Variants in GPC5 observed in about 807,000 individuals in gnomAD.
GPC5 encodes the protein glypican 5, also known as glypican-5.
GPC5 carries 47 observed loss-of-function variants against 53.9 expected under a neutral mutation model. The observed-to-expected ratio is 0.87, with a 90% CI of 0.69 to 1.11. The LOEUF is 1.11. GPC5 is among the 50% of genes most tolerant of loss of function. The pLI is 0.00. For missense variants in GPC5, 748 were observed against 713.1 expected (o/e 1.05, Z -0.56); for synonymous variants, 286 against 263.3 (o/e 1.09, Z -0.84).
intron 7 of GPC5, among the ~76,000 whole-genome samples, chr13:92,259,102 T>C (rs920761311): frequency 6.6e-6 from 1 of 152,202 alleles, no homozygotes. Flanking sequence ...TTACAGAACC[T>C]TGGATAGATA....
intron 7 of GPC5, among the ~76,000 whole-genome samples, chr13:92,193,726 G>A (rs560655867): frequency 5.2e-4 from 79 of 152,252 alleles, no homozygotes; most frequent in African/African-American, 1.8e-3. Context: ...CACCCATTCG[G>A]CTCTGCCCCA....
chr13:92,058,641 C>T (rs993352731), intron 6 of GPC5, among the ~76,000 whole-genome samples: 17 of 152,128 alleles, frequency 1.1e-4, no homozygotes, highest in African/African-American at 4.1e-4. Flanking sequence ...CTCCTCGGTT[C>T]AAGCAATTCT....
At chr13:92,408,790 GAAT>G (rs1387783283) in intron 7 of GPC5, among the ~76,000 whole-genome samples, 1 of 146,550 alleles carries the variant, frequency 6.8e-6, no homozygotes, top group African/African-American at 2.8e-5. Flanking sequence ...TAAAAATAAA[GAAT>G]AACTAAGGTA....
At chr13:92,135,998 A>AAAGATTTGTAAAATCTGG (rs2041781295) in intron 6 of GPC5, among the ~76,000 whole-genome samples, 2 of 152,206 alleles carry the variant, frequency 1.3e-5, no homozygotes, top group South Asian at 4.1e-4. Flanking sequence ...AAAGTTTGGT[A>AAAGATTTGTAAAATCTGG]TAAGATTTGT....
At chr13:91,677,543 C>A (rs1301044923) in intron 2 of GPC5, among the ~76,000 whole-genome samples, 1 of 152,104 alleles carries the variant, frequency 6.6e-6, no homozygotes, top group Non-Finnish European at 1.5e-5. Flanking sequence ...GTTATGGGGG[C>A]ATTTGGCAGA....
At chr13:91,656,453 C>T (rs942387235) in intron 2 of GPC5, among the ~76,000 whole-genome samples, 2 of 152,104 alleles carry the variant, frequency 1.3e-5, no homozygotes, top group African/African-American at 4.8e-5. Flanking sequence ...CTAATATTTG[C>T]CTAATTGTTA....
At chr13:92,633,737 T>C (rs776296513) in intron 7 of GPC5, among the ~76,000 whole-genome samples, 1 of 152,150 alleles carries the variant, frequency 6.6e-6, no homozygotes, top group Non-Finnish European at 1.5e-5. Flanking sequence ...TTATGTTTTC[T>C]GCCATATTAA....
chr13:91,585,957 A>G (rs1004991064), intron 2 of GPC5, among the ~76,000 whole-genome samples: 1 of 151,810 alleles, frequency 6.6e-6, no homozygotes, highest in Non-Finnish European at 1.5e-5. Flanking sequence ...GTAGTGGATT[A>G]TCAGAACTTA....
At chr13:91,810,136 G>T (rs2038286989) in intron 5 of GPC5, among the ~76,000 whole-genome samples, 1 of 151,888 alleles carries the variant, frequency 6.6e-6, no homozygotes, top group Non-Finnish European at 1.5e-5. Flanking sequence ...TAGTTTCAGA[G>T]AATTAATTAG....
intron 2 of GPC5, among the ~76,000 whole-genome samples, chr13:91,450,707 T>A (rs1007696318): frequency 6.6e-6 from 1 of 152,148 alleles, no homozygotes; most frequent in Non-Finnish European, 1.5e-5. Context: ...TCTGCTTTAT[T>A]CATTAGGTTG....
At chr13:91,752,229 GGTATGTATGTAT>G in intron 4 of GPC5, among the ~76,000 whole-genome samples, 1 of 151,728 alleles carries the variant, frequency 6.6e-6, no homozygotes, top group South Asian at 2.1e-4. Flanking sequence ...TTTATGTGTG[GGTATGTATGTAT>G]GTATGTATGT....
chr13:92,404,769 C>T (rs1244561745), intron 7 of GPC5, among the ~76,000 whole-genome samples: 4 of 149,504 alleles, frequency 2.7e-5, no homozygotes, highest in South Asian at 2.1e-4. Context: ...ACTAAACCAA[C>T]GTTTCCCCGA....
intron 7 of GPC5, among the ~76,000 whole-genome samples, chr13:92,496,814 G>C (rs1228023343): frequency 6.6e-6 from 1 of 152,146 alleles, no homozygotes; most frequent in Non-Finnish European, 1.5e-5. Flanking sequence ...AGTTAGCATG[G>C]TCAATCTGAT....
At chr13:91,559,418 C>G (rs1031090623) in intron 2 of GPC5, among the ~76,000 whole-genome samples, 1 of 152,122 alleles carries the variant, frequency 6.6e-6, no homozygotes, top group Non-Finnish European at 1.5e-5. Context: ...CAGGGAGCTT[C>G]TATGATGGCC....
chr13:91,830,438 C>T (rs1390208887), intron 5 of GPC5, among the ~76,000 whole-genome samples: 1 of 151,934 alleles, frequency 6.6e-6, no homozygotes, highest in Non-Finnish European at 1.5e-5. Flanking sequence ...AACATACATC[C>T]TCCTCAGCTG....
intron 7 of GPC5, among the ~76,000 whole-genome samples, chr13:92,373,080 A>G (rs1201353469): frequency 6.6e-6 from 1 of 152,190 alleles, no homozygotes; most frequent in Admixed American, 6.5e-5. Flanking sequence ...GTTTAAGTAT[A>G]TATATTATTT....
chr13:92,538,037 T>C (rs1241725871), intron 7 of GPC5, among the ~76,000 whole-genome samples: 1 of 152,108 alleles, frequency 6.6e-6, no homozygotes, highest in Non-Finnish European at 1.5e-5. Flanking sequence ...TACATTTCTT[T>C]AAAATTACAC....
At chr13:92,017,294 T>G (rs1210241187) in intron 6 of GPC5, among the ~76,000 whole-genome samples, 3 of 152,150 alleles carry the variant, frequency 2.0e-5, no homozygotes, top group Admixed American at 2.0e-4. Context: ...ATTTTCTGTT[T>G]TGGTAGGCTG....
intron 7 of GPC5, among the ~76,000 whole-genome samples, chr13:92,629,530 A>G (rs538016099): frequency 6.6e-6 from 1 of 152,340 alleles, no homozygotes; most frequent in South Asian, 2.1e-4. Flanking sequence ...AAATAAGCCC[A>G]GGAAAGCAAA....
Sources: gnomAD v4.1 joint callset for allele counts (sites outside exome capture counted in the v4.1 genomes callset) on GRCh38, gnomAD v4.1.1 for gene constraint, MANE v1.5 for transcripts, NCBI Gene and HGNC (gene_info 2026-07-23, HGNC 2026-07-21) for gene names.